MLLT10: variants seen among roughly 807,000 people sequenced by gnomAD.
MLLT10 encodes protein AF-10.
In MLLT10, 30 loss-of-function variants were observed where a neutral mutation model predicts 129.1. The observed-to-expected ratio is 0.23, with a 90% CI of 0.17 to 0.32. MLLT10 has a LOEUF of 0.32. Among genes scored for constraint, MLLT10 ranks in the 10% least tolerant of loss-of-function variants. MLLT10 has a pLI of 1.00. For missense variants in MLLT10, 1,119 were observed against 1,268.3 expected (o/e 0.88, Z 1.79); for synonymous variants, 490 against 446.4 (o/e 1.10, Z -1.23).
chr10:21,568,647 T>C (rs1285185717), intron 3 of MLLT10, among the ~76,000 whole-genome samples: 1 of 152,164 alleles, frequency 6.6e-6, no homozygotes, highest in Non-Finnish European at 1.5e-5. Context: ...TTCATTTCAT[T>C]TTATATTTTG....
intron 5 of MLLT10, among the ~76,000 whole-genome samples, chr10:21,601,993 G>A (rs1352856076): frequency 6.6e-6 from 1 of 152,104 alleles, no homozygotes; most frequent in Non-Finnish European, 1.5e-5. Flanking sequence ...GGGCAACATG[G>A]TATTAAAATA....
At chr10:21,547,290 A>T (rs1474215920) in intron 3 of MLLT10, among the ~76,000 whole-genome samples, 1 of 152,066 alleles carries the variant, frequency 6.6e-6, no homozygotes, top group Non-Finnish European at 1.5e-5. Flanking sequence ...TCTGAGTCTT[A>T]ATATCTGTAC....
At chr10:21,596,318 C>T (rs1177862235) in intron 5 of MLLT10, among the ~76,000 whole-genome samples, 2 of 151,920 alleles carry the variant, frequency 1.3e-5, no homozygotes, top group African/African-American at 2.4e-5. Flanking sequence ...GCATCTTTTG[C>T]GAGTCAATAA....
At chr10:21,690,455 T>C (rs1370300887) in intron 13 of MLLT10, among the ~76,000 whole-genome samples, 1 of 152,168 alleles carries the variant, frequency 6.6e-6, no homozygotes, top group African/African-American at 2.4e-5. Flanking sequence ...CTTTCAGGTA[T>C]GTGTAGTAAC....
At chr10:21,677,601 A>G (rs2052316325) in intron 11 of MLLT10, among the ~76,000 whole-genome samples, 2 of 152,220 alleles carry the variant, frequency 1.3e-5, no homozygotes, top group South Asian at 2.1e-4. Flanking sequence ...TGCTTAGGGA[A>G]TCATGACAGG....
In MLLT10 at chr10:21,742,114, T is replaced by G; in HGVS notation, c.*131T>G. ...CAATGCACAACAAAGGATTAATTGCTGCAAGGACATTCTTGTAAGGCTTTG... is the reference window on the plus strand; with the variant it reads ...CAATGCACAACAAAGGATTAATTGCGGCAAGGACATTCTTGTAAGGCTTTG... On this transcript the variant is annotated 3_prime_UTR_variant, in exon 23 of 23. Transcript: ENST00000307729. 1.3e-6 allele frequency: 1 copy of G among 762,578 alleles called. No individual in the cohort carries two copies. Among genetic ancestry groups the G allele is most frequent in the Non-Finnish European group, 2.1e-6 (1 of 468,330 alleles). The allele number at this position is 762,578 out of a possible 1,614,324, so 47.2% of individuals were successfully genotyped here.
chr10:21,540,391 CAAAA>C (rs770542365), intron 3 of MLLT10, among the ~76,000 whole-genome samples: 16 of 131,426 alleles, frequency 1.2e-4, no homozygotes, highest in African/African-American at 4.2e-4. Flanking sequence ...GAGACTGTTT[CAAAA>C]AAAAAAAAAA....
chr10:21,656,091 T>A (rs935555720), intron 9 of MLLT10, among the ~76,000 whole-genome samples: 1 of 151,952 alleles, frequency 6.6e-6, no homozygotes, highest in Non-Finnish European at 1.5e-5. Flanking sequence ...AGGCCTTGAG[T>A]GTTTGAAGAG....
At chr10:21,558,725 A>G (rs1439987659) in intron 3 of MLLT10, among the ~76,000 whole-genome samples, 1 of 152,070 alleles carries the variant, frequency 6.6e-6, no homozygotes, top group Non-Finnish European at 1.5e-5. Flanking sequence ...TTTTAAGTAG[A>G]GACATCTATT....
intron 3 of MLLT10, among the ~76,000 whole-genome samples, chr10:21,555,675 A>AAT (rs1554788897): frequency 0.011 from 1,512 of 132,686 alleles, 27 homozygotes; most frequent in East Asian, 0.039. Context: ...ATGTAAGACA[A>AAT]TTTTTTTTTT....
intron 2 of MLLT10, among the ~76,000 whole-genome samples, chr10:21,537,680 GC>G (rs1327980025): frequency 6.6e-6 from 1 of 151,844 alleles, no homozygotes; most frequent in Non-Finnish European, 1.5e-5. Flanking sequence ...TCTTGGCCAG[GC>G]TGGTCTGGAA....
intron 14 of MLLT10, 32 bp downstream of exon 14, chr10:21,713,982 T>A (rs753898761): frequency 1.1e-5 from 17 of 1,556,990 alleles, no homozygotes; most frequent in African/African-American, 1.4e-5. Flanking sequence ...TGACAGGTAA[T>A]AGGTGGGTTT....
At chr10:21,536,615 C>A (rs763213936) in intron 2 of MLLT10, among the ~76,000 whole-genome samples, 4 of 152,154 alleles carry the variant, frequency 2.6e-5, no homozygotes, top group Non-Finnish European at 5.9e-5. Context: ...CACTTTGTGG[C>A]TCAGGCTGGC....
At chr10:21,550,749 C>T (rs2036866797) in intron 3 of MLLT10, among the ~76,000 whole-genome samples, 1 of 151,998 alleles carries the variant, frequency 6.6e-6, no homozygotes, top group African/African-American at 2.4e-5. Flanking sequence ...CCAGGCTGGT[C>T]TCAAACTTCT....
At chr10:21,705,036 G>T (rs1303865349) in intron 13 of MLLT10, among the ~76,000 whole-genome samples, 4 of 152,256 alleles carry the variant, frequency 2.6e-5, no homozygotes, top group Non-Finnish European at 4.4e-5. Flanking sequence ...GTGCCTCGAG[G>T]TGGAGGCCCA....
intron 9 of MLLT10, among the ~76,000 whole-genome samples, chr10:21,659,772 A>G (rs1379398185): frequency 6.6e-6 from 1 of 151,982 alleles, no homozygotes; most frequent in Non-Finnish European, 1.5e-5. Flanking sequence ...TGGCCTCCCA[A>G]AGTGCTGGGA....
intron 14 of MLLT10, 34 bp downstream of exon 14, chr10:21,713,984 G>T (rs757472644): frequency 1.3e-6 from 2 of 1,551,228 alleles, no homozygotes; most frequent in Non-Finnish European, 8.7e-7. Context: ...ACAGGTAATA[G>T]GTGGGTTTCT....
At chr10:21,604,672 G>A (rs2043883133) in intron 5 of MLLT10, among the ~76,000 whole-genome samples, 1 of 152,158 alleles carries the variant, frequency 6.6e-6, no homozygotes, top group South Asian at 2.1e-4. Flanking sequence ...GGTGGGACAG[G>A]TGAAGAAGCA....
intron 3 of MLLT10, among the ~76,000 whole-genome samples, chr10:21,568,175 C>A (rs1322183999): frequency 6.6e-6 from 1 of 152,138 alleles, no homozygotes; most frequent in South Asian, 2.1e-4. Flanking sequence ...GTACTCACTT[C>A]TTCCATTCCA....
Sources: gnomAD v4.1 joint callset for allele counts (sites outside exome capture counted in the v4.1 genomes callset) on GRCh38, gnomAD v4.1.1 for gene constraint, MANE v1.5 for transcripts, NCBI Gene and HGNC (gene_info 2026-07-23, HGNC 2026-07-21) for gene names.